FHOD3: variants seen among roughly 807,000 people sequenced by gnomAD.
FHOD3 encodes FH1/FH2 domain-containing protein 3.
In FHOD3, 90 loss-of-function variants were observed where a neutral mutation model predicts 173.0. The observed-to-expected ratio is 0.52, with a 90% confidence interval of 0.44 to 0.62. The LOEUF (loss-of-function observed/expected upper bound fraction) is 0.62. Among genes scored for constraint, FHOD3 ranks in the 20% least tolerant of loss-of-function variants. The probability of loss-of-function intolerance (pLI) is 0.00; values close to 1 mark genes in which losing one functional copy is unlikely to be tolerated. For synonymous variants in FHOD3, 828 were observed against 823.0 expected (o/e 1.01, Z -0.10); for missense variants, 1,945 against 2,034.7 (o/e 0.96, Z 0.85).
intron 27 of FHOD3, among the ~76,000 whole-genome samples, chr18:36,761,839 G>T (rs1471514500): frequency 1.3e-5 from 2 of 152,108 alleles, no homozygotes; most frequent in Non-Finnish European, 2.9e-5. Flanking sequence ...ATATAATCTT[G>T]TCCAAGCTGG....
chr18:36,311,567 C>T (rs1238321962), intron 1 of FHOD3, among the ~76,000 whole-genome samples: 1 of 152,172 alleles, frequency 6.6e-6, no homozygotes, highest in Non-Finnish European at 1.5e-5. Flanking sequence ...GCATGCGTGG[C>T]CTCCAGCCCC....
chr18:36,314,851 G>T (rs938501126), intron 1 of FHOD3, among the ~76,000 whole-genome samples: 1 of 152,198 alleles, frequency 6.6e-6, no homozygotes, highest in African/African-American at 2.4e-5. Context: ...CAAGGCCTAA[G>T]TGGGGGAGAT....
rs112727295 is a variant in FHOD3 at position 36,681,614 on chromosome 18, T to A, written c.1970+44T>A. ...TTTTTTTTAAATAGTGAGTTAAAAA[T>A]TAAAGGCATGTGACTTTACAACTGT... is the stretch of plus-strand genomic sequence containing the variant. On this transcript the variant is annotated intron_variant, in intron 15 of 28. Transcript: ENST00000590592. The A allele has an allele frequency of 4.4e-3, 6,734 of 1,531,210 alleles. 246 individuals are homozygous for A. The African/African-American group carries it at 0.11, about 24-fold the overall frequency. 94.9% of individuals were successfully genotyped at this position (1,531,210 alleles called of 1,614,324 possible). A position where few individuals can be genotyped will look rare whatever the true frequency, so the allele number is the denominator to read the frequency against.
chr18:36,682,436 TC>T (rs2038313994), intron 15 of FHOD3, among the ~76,000 whole-genome samples: 1 of 152,184 alleles, frequency 6.6e-6, no homozygotes, highest in African/African-American at 2.4e-5. Flanking sequence ...TTCTTTCTTT[TC>T]ATTTTTCTCC....
chr18:36,514,892 G>A (rs941631511), intron 5 of FHOD3, among the ~76,000 whole-genome samples: 1 of 152,208 alleles, frequency 6.6e-6, no homozygotes, highest in African/African-American at 2.4e-5. Context: ...GGCAGAGTGA[G>A]TGCCTTCCTA....
chr18:36,703,667 G>A (rs1383327016), intron 17 of FHOD3, among the ~76,000 whole-genome samples: 1 of 152,188 alleles, frequency 6.6e-6, no homozygotes, highest in Non-Finnish European at 1.5e-5. Flanking sequence ...AGGAGTTGGT[G>A]TTGGGATTTG....
Position 36,411,814 on chromosome 18 carries a change from C to T in FHOD3, c.337+39070C>T, listed in dbSNP as rs113250520. ...CCTAACTTATTCCAGTGCCTTGGCA[C>T]TCTCCTGCCTCTAGTCCTAAAACAA... On this transcript the variant is annotated intron_variant, in intron 3 of 28. Coordinates refer to ENST00000590592, the MANE Select transcript of FHOD3 (RefSeq NM_001281740.3). 8.7e-3 allele frequency among the ~76,000 whole-genome samples: 1,326 copies of T among 152,334 alleles called. 19 individuals are homozygous for T. Among genetic ancestry groups the T allele is most frequent in the African/African-American group, 0.031 (1,273 of 41,582 alleles).
At chr18:36,569,666 A>G (rs1263144414) in intron 5 of FHOD3, among the ~76,000 whole-genome samples, 1 of 152,176 alleles carries the variant, frequency 6.6e-6, no homozygotes, top group Non-Finnish European at 1.5e-5. Context: ...ACATTCACCA[A>G]TATAAATCAT....
chr18:36,545,580 CTTT>C (rs1431934959), intron 5 of FHOD3, among the ~76,000 whole-genome samples: 1 of 152,158 alleles, frequency 6.6e-6, no homozygotes, highest in Non-Finnish European at 1.5e-5. Context: ...TATCATGAAA[CTTT>C]TTAAGTTCTA....
chr18:36,322,716 T>A (rs187758192), intron 1 of FHOD3, among the ~76,000 whole-genome samples: 23 of 152,268 alleles, frequency 1.5e-4, no homozygotes, highest in African/African-American at 4.3e-4. Flanking sequence ...TTCTGTCCAG[T>A]CTTGTCCCTA....
At chr18:36,527,551 G>A (rs1263210340) in intron 5 of FHOD3, among the ~76,000 whole-genome samples, 2 of 152,172 alleles carry the variant, frequency 1.3e-5, no homozygotes, top group African/African-American at 2.4e-5. Context: ...CTCCATGTGG[G>A]TGACAGCAGG....
intron 3 of FHOD3, among the ~76,000 whole-genome samples, chr18:36,387,771 C>A (rs1433052567): frequency 1.3e-5 from 2 of 152,124 alleles, no homozygotes; most frequent in South Asian, 2.1e-4. Context: ...GGGCTTGGCC[C>A]ACCCCTCTGG....
At chr18:36,591,898 G>A (rs2059230224) in intron 6 of FHOD3, among the ~76,000 whole-genome samples, 1 of 152,136 alleles carries the variant, frequency 6.6e-6, no homozygotes, top group Non-Finnish European at 1.5e-5. Flanking sequence ...ACTCCAGCCT[G>A]GGTGACAGAA....
Position 36,514,014 on chromosome 18 carries a change from C to CTTTTTTTTTTTTTTTTTT in FHOD3, c.511+1483_511+1484insTTTTTTTTTTTTTTTTTT, listed in dbSNP as rs58493993. Among the ~76,000 whole-genome samples, 168 of 104,598 alleles carry CTTTTTTTTTTTTTTTTTT rather than the reference C, an allele frequency of 1.6e-3. 22 individuals are homozygous for CTTTTTTTTTTTTTTTTTT. Among genetic ancestry groups the CTTTTTTTTTTTTTTTTTT allele is most frequent in the Middle Eastern group, 0.011 (2 of 180 alleles). The allele number at this position is 104,598 out of a possible 152,430, so 68.6% of individuals were successfully genotyped here. Reference sequence around the variant, plus strand: ...ATTGCTGAATTTTGCTATTTCTATTCTTTTTTTTTTTTGAGATGGAGTCTT... The same window carrying CTTTTTTTTTTTTTTTTTT: ...ATTGCTGAATTTTGCTATTTCTATTCTTTTTTTTTTTTTTTTTTTTTTTTTTTTTTGAGATGGAGTCTT... On this transcript the variant is annotated intron_variant, in intron 5 of 28. Transcript: ENST00000590592.
chr18:36,320,590 T>G (rs903349460), intron 1 of FHOD3, among the ~76,000 whole-genome samples: 1 of 152,172 alleles, frequency 6.6e-6, no homozygotes, highest in African/African-American at 2.4e-5. Context: ...CTGAAACTAT[T>G]CCAAGCAATA....
chr18:36,379,270 G>A (rs1280888502), intron 3 of FHOD3, among the ~76,000 whole-genome samples: 1 of 152,218 alleles, frequency 6.6e-6, no homozygotes, highest in Non-Finnish European at 1.5e-5. Flanking sequence ...CACCAAGAGA[G>A]GGAAAATGGA....
At chr18:36,532,838 A>C (rs2056843139) in intron 5 of FHOD3, among the ~76,000 whole-genome samples, 1 of 152,228 alleles carries the variant, frequency 6.6e-6, no homozygotes, top group Non-Finnish European at 1.5e-5. Context: ...GGTTCCATTA[A>C]AACGTTTAAA....
At chr18:36,579,691 A>C (rs2058775870) in intron 6 of FHOD3, among the ~76,000 whole-genome samples, 1 of 152,216 alleles carries the variant, frequency 6.6e-6, no homozygotes, top group Non-Finnish European at 1.5e-5. Flanking sequence ...CCTCCAGAAG[A>C]TACAGCAACA....
chr18:36,428,662 G>A (rs1014533934), intron 3 of FHOD3, among the ~76,000 whole-genome samples: 2 of 152,174 alleles, frequency 1.3e-5, no homozygotes, highest in African/African-American at 4.8e-5. Context: ...TAGGGCAAGT[G>A]CCACACCTCT....
Sources: gnomAD v4.1 joint callset for allele counts (sites outside exome capture counted in the v4.1 genomes callset) on GRCh38, gnomAD v4.1.1 for gene constraint, MANE v1.5 for transcripts, NCBI Gene and HGNC (gene_info 2026-07-23, HGNC 2026-07-21) for gene names.